The following FAM186A variants were observed in gnomAD, a reference collection of about 807,000 sequenced individuals.
The protein encoded by FAM186A is protein FAM186A.
FAM186A carries 163 observed loss-of-function variants against 216.8 expected under a neutral mutation model. The ratio of observed to expected loss-of-function variants is 0.75; its 90% CI spans 0.66 to 0.86. The LOEUF is 0.86. Ranked by LOEUF, FAM186A falls within the 40% of genes least tolerant of loss-of-function variation. The pLI is 0.00. For missense variants in FAM186A, 2,184 were observed against 2,746.2 expected (o/e 0.80, Z 4.58); for synonymous variants, 805 against 1,025.3 (o/e 0.79, Z 4.10).
intron 3 of FAM186A, among the ~76,000 whole-genome samples, chr12:50,359,613 T>C (rs1943013079): frequency 6.6e-6 from 1 of 152,152 alleles, no homozygotes; most frequent in South Asian, 2.1e-4. Flanking sequence ...GCATTATTTA[T>C]AAAAGCCCCA....
chr12:50,391,276 G>A (rs112862196), intron 1 of FAM186A, among the ~76,000 whole-genome samples: 34 of 151,804 alleles, frequency 2.2e-4, no homozygotes, highest in African/African-American at 7.7e-4. Flanking sequence ...TTACAAGCAT[G>A]AGCCACCATG....
intron 4 of FAM186A, among the ~76,000 whole-genome samples, chr12:50,336,243 G>A (rs1942707357): frequency 6.6e-6 from 1 of 151,980 alleles, no homozygotes; most frequent in African/African-American, 2.4e-5. Flanking sequence ...CTCCTATAAT[G>A]TATTCCACCA....
rs1942944445 is a variant in FAM186A, at chr12:50,354,103, C to T, written c.2729G>A (p.Arg910Lys). 1 of 1,551,618 alleles carries T rather than the reference C, an allele frequency of 6.4e-7. No homozygotes were observed. The highest frequency in any genetic ancestry group is 8.7e-7 in the Non-Finnish European group (1 of 1,147,002). The change falls in exon 4 of 8, where the codon AGA becomes AAA. Residue 910 changes from arginine to lysine, a missense_variant. This residue lies in a region of FAM186A where 1,132 missense variants were observed against 1,263.4 expected (regional missense o/e 0.90). Coordinates refer to ENST00000327337, the MANE Select transcript of FAM186A (RefSeq NM_001145475.3). ...QAEQEEKQKQRGQEEEELPKS... is the reference protein window; with the variant it reads ...QAEQEEKQKQKGQEEEELPKS... ...TGGAAGCTCTTCTTCCTCCTGTCCT[C>T]TTTGCTTTTGCTTTTCCTCTTGCTC...
chr12:50,354,860 C>G lies in FAM186A; in HGVS notation c.1972G>C (p.Glu658Gln). ...TGTTCACTTTTGCCATCTGGACTTT[C>G]TAGAACTCTGGTAGATTCTGAAGTC... ...KETSESTRVL[E>Q]SPDGKSEQSN... The change falls in exon 4 of 8, where the codon GAA becomes CAA. Residue 658 changes from glutamate to glutamine, a missense_variant. Glu to Gln is a conservative substitution (Grantham distance 29). Coordinates refer to ENST00000327337, the MANE Select transcript of FAM186A (RefSeq NM_001145475.3). 5 of 1,549,150 alleles carry G rather than the reference C, an allele frequency of 3.2e-6. No individual in the cohort carries two copies. The highest frequency in any genetic ancestry group is 4.4e-6 in the Non-Finnish European group (5 of 1,146,594).
intron 1 of FAM186A, among the ~76,000 whole-genome samples, chr12:50,374,046 C>T (rs1410536948): frequency 6.6e-6 from 1 of 150,538 alleles, no homozygotes; most frequent in African/African-American, 2.4e-5. Flanking sequence ...TAAACTATCG[C>T]AAGAACAAAA....
In FAM186A at chr12:50,350,336, G is replaced by A. The variant is rs7296291; in HGVS notation, c.6496C>T (p.His2166Tyr). ...GTAAATAATTATATCTACCTGGCAT[G>A]CTGGATCAGCCTATAGGCAATGTAC... ...RKYIAYRLIQ[H>Y]ARNNIMKRLK... Residue 2166 changes from histidine (H) to tyrosine (Y), a missense_variant, in exon 4 of 8, where the codon CAT becomes TAT. This residue lies in a region of FAM186A where 721 missense variants were observed against 816.4 expected (regional missense o/e 0.88). Coordinates refer to ENST00000327337, the MANE Select transcript of FAM186A (RefSeq NM_001145475.3). The A allele has an allele frequency of 0.65, 989,642 of 1,518,204 alleles. 326,646 individuals are homozygous for A. The highest frequency in any genetic ancestry group is 0.76 in the Admixed American group (35,145 of 46,468). 94.0% of individuals were successfully genotyped at this position (1,518,204 alleles called of 1,614,324 possible). A position where few individuals can be genotyped will look rare whatever the true frequency, so the allele number is the denominator to read the frequency against.
chr12:50,347,144 C>T (rs570624178), intron 4 of FAM186A, among the ~76,000 whole-genome samples: 84 of 152,214 alleles, frequency 5.5e-4, no homozygotes, highest in African/African-American at 1.8e-3. Flanking sequence ...GCTCATACTA[C>T]GAATCCATCA....
intron 1 of FAM186A, among the ~76,000 whole-genome samples, chr12:50,385,276 G>C (rs144939665): frequency 0.01 from 1,578 of 150,856 alleles, 35 homozygotes; most frequent in African/African-American, 0.037. Flanking sequence ...AAATTAGCTG[G>C]GCATGGTTGT....
At chr12:50,389,018 A>G (rs548780630) in intron 1 of FAM186A, among the ~76,000 whole-genome samples, 7 of 151,810 alleles carry the variant, frequency 4.6e-5, no homozygotes, top group Non-Finnish European at 1.0e-4. Flanking sequence ...TCGTGCCACT[A>G]CACTCCAGCC....
chr12:50,364,559 A>T (rs1943068840), intron 1 of FAM186A, among the ~76,000 whole-genome samples: 1 of 21,600 alleles, frequency 4.6e-5, no homozygotes, highest in African/African-American at 1.1e-4. Context: ...CACTGTCTAA[A>T]AATAAATAAA....
intron 1 of FAM186A, among the ~76,000 whole-genome samples, chr12:50,369,951 C>T (rs1482638151): frequency 2.6e-5 from 4 of 151,590 alleles, no homozygotes; most frequent in African/African-American, 4.8e-5. Context: ...AGTGAAACCC[C>T]GTCTCTACTA....
chr12:50,349,878 C>G (rs1224009379), intron 4 of FAM186A, among the ~76,000 whole-genome samples: 1 of 152,104 alleles, frequency 6.6e-6, no homozygotes, highest in East Asian at 1.9e-4. Context: ...TCTTGAACTC[C>G]TGGCCTCAAG....
intron 1 of FAM186A, among the ~76,000 whole-genome samples, chr12:50,386,169 C>T (rs1943301457): frequency 6.6e-6 from 1 of 152,166 alleles, no homozygotes; most frequent in South Asian, 2.1e-4. Flanking sequence ...TAGCTTACGC[C>T]TGTAATCCCA....
chr12:50,344,640 G>T (rs985784684), intron 4 of FAM186A, among the ~76,000 whole-genome samples: 5 of 152,138 alleles, frequency 3.3e-5, no homozygotes, highest in African/African-American at 4.8e-5. Context: ...TAATGGGATT[G>T]CTGGGTCAAG....
chr12:50,387,449 G>A (rs1311816951), intron 1 of FAM186A, among the ~76,000 whole-genome samples: 1 of 152,128 alleles, frequency 6.6e-6, no homozygotes, highest in Non-Finnish European at 1.5e-5. Context: ...AGGAGTGGAG[G>A]TTTAATAGGC....
At chr12:50,347,672 C>G (rs999454071) in intron 4 of FAM186A, among the ~76,000 whole-genome samples, 2 of 104,276 alleles carry the variant, frequency 1.9e-5, no homozygotes, top group Admixed American at 1.2e-4. Flanking sequence ...GAGGGAGACT[C>G]CATCTCAAAA....
chr12:50,354,613 T>C lies in FAM186A; in HGVS notation c.2219A>G (p.Lys740Arg). The part of the protein sequence containing the change: ...TKILRKYKDT[K>R]KEEQVGEKPI... ...TTTCTCTCCAACTTGTTCTTCCTTT[T>C]TTGTATCTTTGTATTTTCTCAAGAT... is the stretch of plus-strand genomic sequence containing the variant. The change falls in exon 4 of 8, where the codon AAA becomes AGA. Residue 740 changes from lysine to arginine, a missense_variant. Lys to Arg is a conservative substitution (Grantham distance 26). This residue lies in a region of FAM186A where 1,132 missense variants were observed against 1,263.4 expected (regional missense o/e 0.90). Transcript: ENST00000327337. 1 of 1,547,700 alleles carries C rather than the reference T, an allele frequency of 6.5e-7. No individual in the cohort carries two copies. The highest frequency in any genetic ancestry group is 8.7e-7 in the Non-Finnish European group (1 of 1,146,036).
intron 1 of FAM186A, among the ~76,000 whole-genome samples, chr12:50,373,796 A>G (rs1217202160): frequency 1.3e-5 from 2 of 152,196 alleles, no homozygotes; most frequent in Non-Finnish European, 2.9e-5. Flanking sequence ...CCATCCCATT[A>G]CTGGGTATAT....
At chr12:50,381,114 G>T (rs942427903) in intron 1 of FAM186A, among the ~76,000 whole-genome samples, 7 of 152,208 alleles carry the variant, frequency 4.6e-5, no homozygotes, top group Admixed American at 4.6e-4. Context: ...CCCAAAGAGG[G>T]TGTCGCAGCC....
Sources: gnomAD v4.1 joint callset for allele counts (sites outside exome capture counted in the v4.1 genomes callset) on GRCh38, gnomAD v4.1.1 for gene constraint, gnomAD v4.1.1 regional missense constraint, MANE v1.5 for transcripts, NCBI Gene and HGNC (gene_info 2026-07-23, HGNC 2026-07-21) for gene names.